Variants in PDCD11 observed in about 807,000 individuals in gnomAD.
PDCD11 encodes the protein programmed cell death 11.
In PDCD11, 97 loss-of-function variants were observed where a neutral mutation model predicts 198.9. The ratio of observed to expected loss-of-function variants is 0.49; its 90% CI spans 0.41 to 0.58. The LOEUF is 0.58. PDCD11 is among the 20% of genes least tolerant of loss of function. The pLI, the probability that PDCD11 is intolerant of heterozygous loss-of-function variation, is 0.00. For synonymous variants in PDCD11, 893 were observed against 918.0 expected, an observed-to-expected ratio of 0.97 and a Z score of 0.49; for missense variants, 2,102 against 2,312.7, an observed-to-expected ratio of 0.91 and a Z score of 1.87.
intron 7 of PDCD11, 58 bp downstream of exon 7, chr10:103,406,848 A>T: frequency 7.3e-7 from 1 of 1,371,746 alleles, no homozygotes; most frequent in Non-Finnish European, 1.0e-6. Flanking sequence ...TCAAAATATT[A>T]AATGCATAAA....
At chr10:103,421,599 CA>C (rs769749418) in intron 17 of PDCD11, 32 bp downstream of exon 17, 3 of 1,457,556 alleles carry the variant, frequency 2.1e-6, no homozygotes, top group South Asian at 2.4e-5. Context: ...GGAGGTGGGC[CA>C]GGGGTGGGAG....
intron 25 of PDCD11, among the ~76,000 whole-genome samples, chr10:103,437,778 G>A (rs1416406034): frequency 6.6e-6 from 1 of 152,138 alleles, no homozygotes; most frequent in South Asian, 2.1e-4. Context: ...GTGAGCCACC[G>A]TGCCCAGCCC....
intron 9 of PDCD11, among the ~76,000 whole-genome samples, chr10:103,413,678 A>G (rs2030936056): frequency 6.6e-6 from 1 of 152,210 alleles, no homozygotes; most frequent in Admixed American, 6.5e-5. Flanking sequence ...GAAAGCAGCC[A>G]TAGACAGTAC....
chr10:103,438,492 A>T lies in PDCD11; in HGVS notation c.3903-194A>T, dbSNP rs536129637. On this transcript the variant is annotated intron_variant, in intron 26 of 35. Coordinates refer to ENST00000369797, the MANE Select transcript of PDCD11 (RefSeq NM_014976.2). ...GGTCCGCCTCTCCCCATTTCTACAT[A>T]GCTGGGCCCCAGGCACCTGCTTCTG... Among the ~76,000 whole-genome samples, 4 of 152,312 alleles carry T rather than the reference A, an allele frequency of 2.6e-5. No homozygotes were observed. In the East Asian group the frequency reaches 7.7e-4, roughly 29 times the overall value.
intron 28 of PDCD11, 139 bp from the exon 29 acceptor site, chr10:103,440,151 A>C: frequency 7.7e-7 from 1 of 1,307,160 alleles, no homozygotes; most frequent in South Asian, 1.5e-5. Flanking sequence ...ATCATTCTTG[A>C]GAATATTGAA....
chr10:103,425,362 C>G lies in PDCD11; in HGVS notation c.3142C>G (p.Pro1048Ala). ...MVTGTVKSIK[P>A]THVVVTLEDG... ...CACAGGGACTGTCAAGTCCATTAAGCCTACCCATGTGGTTGTGACTCTGGA... is the reference window on the plus strand; with the variant it reads ...CACAGGGACTGTCAAGTCCATTAAGGCTACCCATGTGGTTGTGACTCTGGA... Residue 1048 changes from proline (P) to alanine (A), a missense_variant, in exon 20 of 36, where the codon CCT (proline) becomes GCT (alanine). Coordinates refer to ENST00000369797, the MANE Select transcript of PDCD11 (RefSeq NM_014976.2). The G allele has an allele frequency of 6.2e-7, 1 of 1,614,170 alleles. No individual in the cohort carries two copies. Among genetic ancestry groups the G allele is most frequent in the Non-Finnish European group, 8.5e-7 (1 of 1,180,048 alleles).
Position 103,414,365 on chromosome 10 carries a change from A to G in PDCD11, c.1371+35A>G. ...CAAGCATATAATTAGGTACTGCCTC[A>G]CCATCAGGCGTTCTTTAGTTCACGC... On this transcript the variant is annotated intron_variant, in intron 11 of 35. Transcript: ENST00000369797. 2.6e-6 allele frequency: 4 copies of G among 1,510,006 alleles called. No individual in the cohort carries two copies. The South Asian group carries it at 4.5e-5, about 17-fold the overall frequency. The allele number at this position is 1,510,006 out of a possible 1,614,324, so 93.5% of individuals were successfully genotyped here.
chr10:103,418,623 G>A lies in PDCD11; in HGVS notation c.2095G>A (p.Glu699Lys), dbSNP rs61751510. ...LHRVLCLSQS[E>K]GRVLLCRKPA... The stretch of plus-strand genomic sequence containing the variant: ...CCGAGTCCTGTGTCTGAGCCAGAGC[G>A]AGGGGCGTGTTGTATCCTTGACTGG... The change falls in exon 15 of 36, where the codon GAG (glutamate) becomes AAG (lysine). Residue 699 changes from glutamate to lysine, a missense_variant. Physicochemically the swap from Glu to Lys is moderately conservative, Grantham distance 56. Transcript: ENST00000369797. 6.3e-3 allele frequency: 10,213 copies of A among 1,613,786 alleles called. 58 individuals are homozygous for A. Among genetic ancestry groups the A allele is most frequent in the Non-Finnish European group, 7.2e-3 (8,521 of 1,179,756 alleles).
intron 4 of PDCD11, among the ~76,000 whole-genome samples, chr10:103,404,546 G>A (rs975489118): frequency 1.3e-5 from 2 of 152,186 alleles, no homozygotes; most frequent in Admixed American, 6.5e-5. Flanking sequence ...TGATCTGCCC[G>A]CCTTGGCCTC....
At chr10:103,421,730 C>T (rs370248621) in intron 17 of PDCD11, among the ~76,000 whole-genome samples, 163 bp downstream of exon 17, 5 of 150,558 alleles carry the variant, frequency 3.3e-5, no homozygotes, top group East Asian at 1.9e-4. Context: ...TTTGGGAGGC[C>T]GAGGCGGGTG....
At chr10:103,419,184 C>T (rs772899691) in intron 15 of PDCD11, among the ~76,000 whole-genome samples, 1 of 152,102 alleles carries the variant, frequency 6.6e-6, no homozygotes, top group Non-Finnish European at 1.5e-5. Context: ...ATGGCTGATC[C>T]AGCTGCCAGA....
At chr10:103,438,165 C>T in intron 26 of PDCD11, 94 bp downstream of exon 26, 1 of 957,642 alleles carries the variant, frequency 1.0e-6, no homozygotes, top group Admixed American at 1.7e-5. Flanking sequence ...TTGGGCTTCC[C>T]ACCTTCTCTG....
intron 34 of PDCD11, 174 bp downstream of exon 34, chr10:103,444,242 G>T (rs553966464): frequency 4.5e-6 from 3 of 659,412 alleles, no homozygotes; most frequent in South Asian, 3.9e-5. Context: ...CAAATGTCAG[G>T]CTCCAAAAGA....
rs1592126118 is a variant in PDCD11, at chr10:103,419,428, A to G, written c.2107-110A>G. The G allele has an allele frequency of 2.5e-6, 3 of 1,194,660 alleles. No individual in the cohort carries two copies. In the East Asian group the frequency reaches 7.1e-5, roughly 28 times the overall value. The allele number at this position is 1,194,660 out of a possible 1,614,324, so 74.0% of individuals were successfully genotyped here. A position where few individuals can be genotyped will look rare whatever the true frequency, so the allele number is the denominator to read the frequency against. On this transcript the variant is annotated intron_variant, in intron 15 of 35. Coordinates refer to ENST00000369797, the MANE Select transcript of PDCD11 (RefSeq NM_014976.2). ...GTCTGCACACTTAGAGAATCGCTGT[A>G]GCAGCAGAGATCAGCCTGCAGTTCT...
chr10:103,443,386 A>C, intron 33 of PDCD11, 53 bp downstream of exon 33: 2 of 1,515,084 alleles, frequency 1.3e-6, no homozygotes, highest in Non-Finnish European at 1.8e-6. Flanking sequence ...CCACAATCTC[A>C]GAGAAGAGCC....
intron 26 of PDCD11, 144 bp downstream of exon 26, chr10:103,438,215 G>A (rs183125944): frequency 3.1e-5 from 21 of 686,858 alleles, no homozygotes; most frequent in Non-Finnish European, 5.2e-5. Flanking sequence ...ACCCAGAAAA[G>A]CTGAGGCTGT....
Position 103,444,558 on chromosome 10 carries a change from C to G in PDCD11, c.5320C>G (p.Leu1774Val), listed in dbSNP as rs1214346683. 2 of 1,614,160 alleles carry G rather than the reference C, an allele frequency of 1.2e-6. No individual in the cohort carries two copies. Among genetic ancestry groups the G allele is most frequent in the Non-Finnish European group, 8.5e-7 (1 of 1,180,006 alleles). Residue 1774 changes from leucine to valine, a missense_variant, in exon 35 of 36, where the codon CTG (leucine) becomes GTG (valine). Coordinates refer to ENST00000369797, the MANE Select transcript of PDCD11 (RefSeq NM_014976.2). ...IAKFAQLEFQLGDAERAKAIF... is the reference protein window; with the variant it reads ...IAKFAQLEFQVGDAERAKAIF... ...CAAGTTTGCCCAGCTTGAGTTTCAGCTGGGGGATGCAGAGCGGGCCAAAGC... is the reference window on the plus strand; with the variant it reads ...CAAGTTTGCCCAGCTTGAGTTTCAGGTGGGGGATGCAGAGCGGGCCAAAGC...
At chr10:103,424,097 A>C (rs568892116) in intron 19 of PDCD11, among the ~76,000 whole-genome samples, 3 of 152,358 alleles carry the variant, frequency 2.0e-5, no homozygotes, top group African/African-American at 7.2e-5. Flanking sequence ...TTGAAATAAA[A>C]GCTGAAAATG....
At position 103,427,300 on chromosome 10, in the gene PDCD11, G is replaced by T. The variant is rs368781858; in HGVS notation, c.3306-29G>T. 9.4e-6 allele frequency: 15 copies of T among 1,596,412 alleles called. No individual in the cohort carries two copies. The African/African-American group carries it at 1.6e-4, about 17-fold the overall frequency. ...GATTACTGTGTTACAGAGATGAAGA[G>T]AAATGATTCAGCTTATTTGTTTCTC... On this transcript the variant is annotated intron_variant, in intron 20 of 35. Coordinates refer to ENST00000369797, the MANE Select transcript of PDCD11 (RefSeq NM_014976.2).
Sources: allele counts gnomAD v4.1 joint callset (sites outside exome capture counted in the v4.1 genomes callset), GRCh38; gene constraint gnomAD v4.1.1; transcripts MANE v1.5; gene names NCBI Gene and HGNC (gene_info 2026-07-23, HGNC 2026-07-21).